RAPGEF4: variants seen among roughly 807,000 people sequenced by gnomAD.
The protein encoded by RAPGEF4 is Rap guanine nucleotide exchange factor 4, also known as RAP guanine-nucleotide-exchange factor (GEF) 4.
A neutral mutation model predicts 147.9 loss-of-function variants in RAPGEF4; 66 were observed. The ratio of observed to expected loss-of-function variants is 0.45; its 90% CI spans 0.37 to 0.55. The LOEUF (loss-of-function observed/expected upper bound fraction) is 0.55. Among genes scored for constraint, RAPGEF4 ranks in the 20% least tolerant of loss-of-function variants. The probability of loss-of-function intolerance (pLI) is 0.00; values close to 1 mark genes in which losing one functional copy is unlikely to be tolerated. For missense variants in RAPGEF4, 1,071 were observed against 1,257.3 expected (o/e 0.85, Z 2.24); for synonymous variants, 419 against 442.7 (o/e 0.95, Z 0.67).
intron 1 of RAPGEF4, among the ~76,000 whole-genome samples, chr2:172,770,381 A>C (rs1397643864): frequency 6.6e-6 from 1 of 152,184 alleles, no homozygotes; most frequent in Non-Finnish European, 1.5e-5. Context: ...CAACACCCCA[A>C]GCTCAGTTTC....
intron 1 of RAPGEF4, among the ~76,000 whole-genome samples, chr2:172,749,123 A>G (rs1470211160): frequency 6.6e-6 from 1 of 152,192 alleles, no homozygotes; most frequent in Non-Finnish European, 1.5e-5. Context: ...TTCCAGGCAC[A>G]TAGTGCAAGC....
chr2:173,013,688 GAAT>G (rs543414135), intron 17 of RAPGEF4, among the ~76,000 whole-genome samples: 266 of 152,238 alleles, frequency 1.7e-3, no homozygotes, highest in Non-Finnish European at 3.1e-3. Flanking sequence ...TTGCATTAAT[GAAT>G]AAATACAGTT....
chr2:172,826,095 G>A (rs1169019435), intron 4 of RAPGEF4, among the ~76,000 whole-genome samples: 1 of 152,158 alleles, frequency 6.6e-6, no homozygotes, highest in Non-Finnish European at 1.5e-5. Flanking sequence ...TAGCCGTTGG[G>A]TGTCTGTGAA....
At chr2:172,792,674 T>G (rs989443185) in intron 1 of RAPGEF4, among the ~76,000 whole-genome samples, 1 of 152,176 alleles carries the variant, frequency 6.6e-6, no homozygotes, top group Non-Finnish European at 1.5e-5. Context: ...GTATCTTAGG[T>G]CTTCCACTTA....
chr2:173,036,483 C>T, intron 28 of RAPGEF4, 145 bp from the exon 29 acceptor site: 1 of 686,538 alleles, frequency 1.5e-6, no homozygotes, highest in Non-Finnish European at 2.4e-6. Flanking sequence ...AAAAGTTAAA[C>T]ACCTAGCATT....
intron 4 of RAPGEF4, among the ~76,000 whole-genome samples, chr2:172,867,733 T>C (rs1694800428): frequency 6.6e-6 from 1 of 152,238 alleles, no homozygotes; most frequent in Non-Finnish European, 1.5e-5. Flanking sequence ...ACTGGCCTTG[T>C]CCAATTTCAT....
At chr2:173,010,874 C>A (rs1694933341) in intron 17 of RAPGEF4, among the ~76,000 whole-genome samples, 2 of 152,228 alleles carry the variant, frequency 1.3e-5, no homozygotes, top group African/African-American at 2.4e-5. Flanking sequence ...TTTAGCAATG[C>A]CTGGATTCAG....
At chr2:172,930,169 G>T (rs891364999) in intron 6 of RAPGEF4, among the ~76,000 whole-genome samples, 1 of 152,252 alleles carries the variant, frequency 6.6e-6, no homozygotes, top group Non-Finnish European at 1.5e-5. Context: ...CAGGCTGATA[G>T]CATTGCATGA....
intron 4 of RAPGEF4, among the ~76,000 whole-genome samples, chr2:172,877,321 A>G (rs1397671555): frequency 6.6e-6 from 1 of 152,222 alleles, no homozygotes; most frequent in Middle Eastern, 3.4e-3. Flanking sequence ...GAAAAATGAG[A>G]ACATATGGAC....
chr2:173,033,488 G>C (rs1697388695), intron 26 of RAPGEF4, among the ~76,000 whole-genome samples: 1 of 152,154 alleles, frequency 6.6e-6, no homozygotes, highest in Non-Finnish European at 1.5e-5. Context: ...CCTTATAAGG[G>C]AGGAGGAGGG....
rs367557176 is a variant in RAPGEF4, at chr2:172,841,743, A to C, written c.444+27318A>C. 1.7e-4 allele frequency among the ~76,000 whole-genome samples: 26 copies of C among 151,840 alleles called. 1 individual carries two copies. The highest frequency in any genetic ancestry group is 6.3e-4 in the African/African-American group (26 of 41,430). ...GCCGTTTAGGATTTAATTATTAGTG[A>C]GGGAACAATTCCCCAAACAGACATC... is the stretch of plus-strand genomic sequence containing the variant. On this transcript the variant is annotated intron_variant, in intron 4 of 30. Coordinates refer to ENST00000397081, the MANE Select transcript of RAPGEF4 (RefSeq NM_007023.4).
At chr2:172,974,081 A>G (rs1277341422) in intron 10 of RAPGEF4, among the ~76,000 whole-genome samples, 1 of 152,262 alleles carries the variant, frequency 6.6e-6, no homozygotes, top group Non-Finnish European at 1.5e-5. Flanking sequence ...TTTATCGAGC[A>G]TCTGTGTGCT....
chr2:172,896,795 T>A lies in RAPGEF4; in HGVS notation c.445-21007T>A, dbSNP rs539762946. Among the ~76,000 whole-genome samples the A allele has an allele frequency of 2.0e-5, 3 of 152,338 alleles. No individual in the cohort carries two copies. The South Asian group carries it at 6.2e-4, about 32-fold the overall frequency. Reference sequence around the variant, plus strand: ...CTTTATTGCCTGGAAATTCTATATATATGCAAAGTTGTTCATCAGTTCACT... The same window carrying A: ...CTTTATTGCCTGGAAATTCTATATAAATGCAAAGTTGTTCATCAGTTCACT... On this transcript the variant is annotated intron_variant, in intron 4 of 30. Coordinates refer to ENST00000397081, the MANE Select transcript of RAPGEF4 (RefSeq NM_007023.4).
chr2:172,769,563 G>A (rs1375195075), intron 1 of RAPGEF4, among the ~76,000 whole-genome samples: 1 of 152,032 alleles, frequency 6.6e-6, no homozygotes, highest in Non-Finnish European at 1.5e-5. Flanking sequence ...TAAGTAGATA[G>A]GGGGAGTTCA....
chr2:172,940,521 G>C (rs1318921595), intron 6 of RAPGEF4, among the ~76,000 whole-genome samples: 1 of 152,016 alleles, frequency 6.6e-6, no homozygotes, highest in South Asian at 2.1e-4. Context: ...CATGTGAAGT[G>C]CCTGCTCCCA....
chr2:172,751,537 G>A (rs903651878), intron 1 of RAPGEF4, among the ~76,000 whole-genome samples: 2 of 152,154 alleles, frequency 1.3e-5, no homozygotes, highest in Non-Finnish European at 2.9e-5. Context: ...ACTGTGTCAG[G>A]CAGTGATAAG....
At chr2:173,040,669 C>A (rs984682418) in intron 29 of RAPGEF4, among the ~76,000 whole-genome samples, 9 of 152,170 alleles carry the variant, frequency 5.9e-5, no homozygotes, top group African/African-American at 2.2e-4. Context: ...GAAATAGAAC[C>A]AATCTCCTAC....
chr2:172,804,670 A>G (rs1687304978), intron 3 of RAPGEF4, among the ~76,000 whole-genome samples: 1 of 152,208 alleles, frequency 6.6e-6, no homozygotes, highest in Non-Finnish European at 1.5e-5. Context: ...CCTGCAAGGC[A>G]TCTGCTCCCA....
intron 4 of RAPGEF4, among the ~76,000 whole-genome samples, chr2:172,842,063 CA>C (rs1420374496): frequency 2.6e-5 from 4 of 152,148 alleles, no homozygotes; most frequent in Non-Finnish European, 5.9e-5. Context: ...ATTATTCATC[CA>C]GCAAGTATAT....
Sources: gnomAD v4.1 joint callset for allele counts (sites outside exome capture counted in the v4.1 genomes callset) on GRCh38, gnomAD v4.1.1 for gene constraint, MANE v1.5 for transcripts, NCBI Gene and HGNC (gene_info 2026-07-23, HGNC 2026-07-21) for gene names.